DYNLRB2: variants seen among roughly 807,000 people sequenced by gnomAD.
The protein encoded by DYNLRB2 is bithoraxoid-like protein.
DYNLRB2 carries 14 observed loss-of-function variants against 12.6 expected under a neutral mutation model. That is an observed-to-expected ratio of 1.11 (90% CI 0.73 to 1.73). The LOEUF (loss-of-function observed/expected upper bound fraction) is 1.73. DYNLRB2 is among the 40% of genes most tolerant of loss of function. DYNLRB2 has a pLI of 0.00. For missense variants in DYNLRB2, 142 were observed against 117.7 expected, an observed-to-expected ratio of 1.21 and a Z score of -0.95; for synonymous variants, 53 against 37.0, an observed-to-expected ratio of 1.43 and a Z score of -1.57.
chr16:80,548,615 G>A (rs1904630017), intron 2 of DYNLRB2, among the ~76,000 whole-genome samples: 1 of 151,724 alleles, frequency 6.6e-6, no homozygotes, highest in Non-Finnish European at 1.5e-5. Flanking sequence ...TCAGCTACTC[G>A]GGAAACTGAG....
chr16:80,546,608 T>C (rs750393003), intron 2 of DYNLRB2, among the ~76,000 whole-genome samples: 38 of 152,348 alleles, frequency 2.5e-4, no homozygotes, highest in Non-Finnish European at 4.0e-4. Flanking sequence ...TTCTCATTTA[T>C]AAAACCATTC....
chr16:80,546,685 G>A (rs1342969521), intron 2 of DYNLRB2, among the ~76,000 whole-genome samples: 7 of 152,090 alleles, frequency 4.6e-5, no homozygotes, highest in Non-Finnish European at 2.9e-5. Flanking sequence ...TTTGTCACCC[G>A]GGCAGTCAGA....
Position 80,549,619 on chromosome 16 carries a change from G to T in DYNLRB2, c.215G>T (p.Arg72Ile). ...AACGACCTGACTTTTCTTAGGATCA[G>T]ATCAAAGAAACATGAAATCATGGTA... is the stretch of plus-strand genomic sequence containing the variant. ...PQNDLTFLRI[R>I]SKKHEIMVAP... Residue 72 changes from arginine (R) to isoleucine (I), a missense_variant, in exon 3 of 4, where the codon AGA becomes ATA. Physicochemically the swap from Arg to Ile is moderately conservative, Grantham distance 97. Transcript: ENST00000305904. 6.2e-7 allele frequency: 1 copy of T among 1,608,266 alleles called. No individual in the cohort carries two copies. Among genetic ancestry groups the T allele is most frequent in the Non-Finnish European group, 8.5e-7 (1 of 1,175,586 alleles).
chr16:80,540,905 G>C (rs570773902), upstream of DYNLRB2: 1 of 1,195,660 alleles, frequency 8.4e-7, no homozygotes, highest in African/African-American at 1.5e-5. Flanking sequence ...GCGGCCGGGA[G>C]GCATCAGGAG....
At chr16:80,549,215 A>G (rs1904679749) in intron 2 of DYNLRB2, 1 of 385,130 alleles carries the variant, frequency 2.6e-6, no homozygotes, top group African/African-American at 2.0e-5. Flanking sequence ...TGTTGATGAC[A>G]TTGTCAACAA....
intron 1 of DYNLRB2, chr16:80,541,284 G>T (rs1223285470): frequency 7.3e-6 from 7 of 961,556 alleles, no homozygotes; most frequent in Non-Finnish European, 8.7e-6. Flanking sequence ...AAGCTGTTTT[G>T]GGAATTGATT....
intron 2 of DYNLRB2, among the ~76,000 whole-genome samples, chr16:80,545,500 C>A (rs764957555): frequency 1.3e-5 from 2 of 151,862 alleles, no homozygotes; most frequent in Non-Finnish European, 1.5e-5. Context: ...GCCAGGTGCA[C>A]ACATACACTT....
At chr16:80,548,986 A>G (rs1904663091) in intron 2 of DYNLRB2, 1 of 456,050 alleles carries the variant, frequency 2.2e-6, no homozygotes, top group Admixed American at 2.3e-5. Flanking sequence ...ACTTCAGAGC[A>G]GACTCACTAT....
chr16:80,544,891 C>T (rs4591158), intron 2 of DYNLRB2: 148,590 of 152,356 alleles, frequency 0.98, 72,572 homozygotes, highest in Middle Eastern at 1. Context: ...TTGTGTCTGT[C>T]TGTCTGTTTC....
chr16:80,543,317 A>G lies in DYNLRB2; in HGVS notation c.45A>G (p.Lys15=), dbSNP rs1191069357. The G allele has an allele frequency of 6.2e-7, 1 of 1,614,076 alleles. No individual in the cohort carries two copies. Among genetic ancestry groups the G allele is most frequent in the Non-Finnish European group, 8.5e-7 (1 of 1,179,936 alleles). The change falls in exon 2 of 4, where the codon AAA becomes AAG. Residue 15 remains lysine, a synonymous_variant. Transcript: ENST00000305904. ...CCTTAAAGAGGATCCAGAGTCATAA[A>G]GGGGTTATTGGAACTATGGTTGTAA... ...EETLKRIQSH[K]GVIGTMVVNA...
intron 2 of DYNLRB2, chr16:80,544,757 ACT>A (rs577969782): frequency 4.3e-3 from 661 of 152,180 alleles, no homozygotes; most frequent in South Asian, 7.7e-3. Flanking sequence ...GTCTCTGAAG[ACT>A]CTGTGGGAGG....
upstream of DYNLRB2, chr16:80,540,798 G>C (rs1490530400): frequency 1.4e-6 from 1 of 705,574 alleles, no homozygotes; most frequent in Non-Finnish European, 2.6e-6. Context: ...CCGGGAGCCT[G>C]ACCCACTTCC....
chr16:80,547,497 C>A (rs1410150116), intron 2 of DYNLRB2, among the ~76,000 whole-genome samples: 2 of 62,268 alleles, frequency 3.2e-5, no homozygotes, highest in Non-Finnish European at 1.2e-4. Flanking sequence ...TGTGTTTCCA[C>A]CGTGCACACT....
intron 1 of DYNLRB2, among the ~76,000 whole-genome samples, chr16:80,541,582 C>G (rs1282535121): frequency 9.0e-6 from 1 of 111,536 alleles, no homozygotes; most frequent in African/African-American, 3.3e-5. Context: ...CCCTCCCCCC[C>G]AGAAAAAGAG....
At chr16:80,547,007 A>G (rs1567517887) in intron 2 of DYNLRB2, among the ~76,000 whole-genome samples, 1 of 152,208 alleles carries the variant, frequency 6.6e-6, no homozygotes, top group African/African-American at 2.4e-5. Context: ...CTACACATAC[A>G]TATAAATGTA....
At chr16:80,542,816 A>C (rs2142305483) in intron 1 of DYNLRB2, among the ~76,000 whole-genome samples, 1 of 152,332 alleles carries the variant, frequency 6.6e-6, no homozygotes, top group Non-Finnish European at 1.5e-5. Context: ...TAATGAAAAT[A>C]AGATTTCTCA....
intron 2 of DYNLRB2, among the ~76,000 whole-genome samples, chr16:80,545,300 A>C (rs1904379834): frequency 1.3e-5 from 2 of 152,216 alleles, no homozygotes; most frequent in Non-Finnish European, 2.9e-5. Context: ...ATAAATAAAT[A>C]AACAGAAAAA....
intron 1 of DYNLRB2, among the ~76,000 whole-genome samples, chr16:80,542,677 C>G (rs916685485): frequency 6.6e-6 from 1 of 152,218 alleles, no homozygotes; most frequent in Non-Finnish European, 1.5e-5. Flanking sequence ...AGAATAATCA[C>G]TCATAGTTGA....
chr16:80,549,655 A>G lies in DYNLRB2; in HGVS notation c.247+4A>G, dbSNP rs1197257837. On this transcript the variant is annotated splice_donor_region_variant and intron_variant, in intron 3 of 3. Coordinates refer to ENST00000305904, the MANE Select transcript of DYNLRB2 (RefSeq NM_130897.3). ...CATGAAATCATGGTAGCTCCAGGTA[A>G]TTTGGCATTTCATTTCCTAGTTAAA... 2 of 1,578,728 alleles carry G rather than the reference A, an allele frequency of 1.3e-6. No homozygotes were observed. Among genetic ancestry groups the G allele is most frequent in the Non-Finnish European group, 1.7e-6 (2 of 1,156,074 alleles).
Sources: gnomAD v4.1 joint callset for allele counts (sites outside exome capture counted in the v4.1 genomes callset) on GRCh38, gnomAD v4.1.1 for gene constraint, MANE v1.5 for transcripts, NCBI Gene and HGNC (gene_info 2026-07-23, HGNC 2026-07-21) for gene names.